C4BPB: variants seen among roughly 807,000 people sequenced by gnomAD.
C4BPB encodes the protein C4b-binding protein beta chain.
Under a neutral mutation model 26.6 loss-of-function variants are expected in C4BPB, and 19 were observed. That is an observed-to-expected ratio of 0.71 (90% CI 0.50 to 1.05). The LOEUF is 1.05. Among genes scored for constraint, C4BPB ranks in the 50% least tolerant of loss-of-function variants. C4BPB has a pLI of 0.00. For synonymous variants in C4BPB, 118 were observed against 103.5 expected (o/e 1.14, Z -0.85); for missense variants, 282 against 302.9 (o/e 0.93, Z 0.51).
chr1:207,092,762 G>C (rs906091194), intron 4 of C4BPB, among the ~76,000 whole-genome samples: 6 of 151,550 alleles, frequency 4.0e-5, no homozygotes, highest in African/African-American at 1.5e-4. Context: ...CGAGTAGCTG[G>C]GTTACAGGTG....
chr1:207,096,372 C>T (rs1431655388), intron 4 of C4BPB, 150 bp from the exon 5 acceptor site: 1 of 646,914 alleles, frequency 1.5e-6, no homozygotes, highest in Middle Eastern at 3.8e-4. Context: ...GTTTCCAGAT[C>T]CCGCAGGTGT....
intron 4 of C4BPB, among the ~76,000 whole-genome samples, chr1:207,092,529 C>A (rs1684070210): frequency 6.6e-6 from 1 of 151,736 alleles, no homozygotes; most frequent in Non-Finnish European, 1.5e-5. Context: ...TATTATATGG[C>A]TCCCATATTA....
chr1:207,093,117 T>A (rs1684103576), intron 4 of C4BPB, among the ~76,000 whole-genome samples: 1 of 152,148 alleles, frequency 6.6e-6, no homozygotes, highest in African/African-American at 2.4e-5. Flanking sequence ...GAATTTGAAA[T>A]GTAAAAATAA....
rs1176865846 is a variant in C4BPB at position 207,089,548 on chromosome 1, C to T, written c.17C>T (p.Ala6Val). The change falls in exon 2 of 7, where the codon GCG (alanine) becomes GTG (valine). Residue 6 changes from alanine (A) to valine (V), a missense_variant. Ala to Val is a moderately conservative substitution (Grantham distance 64). Coordinates refer to ENST00000367078, the MANE Select transcript of C4BPB (RefSeq NM_001017365.3). ...GATCACCAGATGTTTTTTTGGTGTG[C>T]GTGCTGTCTTATGGTTGCGTGGCGA... MFFWC[A>V]CCLMVAWRVS... is the part of the protein sequence containing the mutation. 3 of 1,613,908 alleles carry T rather than the reference C, an allele frequency of 1.9e-6. No homozygotes were observed. Among genetic ancestry groups the T allele is most frequent in the East Asian group, 2.2e-5 (1 of 44,874 alleles).
At position 207,095,358 on chromosome 1, in the gene C4BPB, T is replaced by C. The variant is rs955619221; in HGVS notation, c.410-1164T>C. On this transcript the variant is annotated intron_variant, in intron 4 of 6. Coordinates refer to ENST00000367078, the MANE Select transcript of C4BPB (RefSeq NM_001017365.3). ...TATTTCTTTTTCTTTTGAGACAGAG[T>C]CTTGCTCTGTTTCCCAGGCTGGAGT... The C allele has an allele frequency of 1.3e-5, 6 of 456,506 alleles. No individual in the cohort carries two copies. In the Admixed American group the frequency reaches 1.4e-4, roughly 11 times the overall value. 28.3% of individuals were successfully genotyped at this position (456,506 alleles called of 1,614,324 possible). A position where few individuals can be genotyped will look rare whatever the true frequency, so the allele number is the denominator to read the frequency against.
chr1:207,099,754 T>C (rs751410126), intron 6 of C4BPB, 35 bp from the exon 7 acceptor site: 3 of 1,597,800 alleles, frequency 1.9e-6, no homozygotes, highest in Non-Finnish European at 2.6e-6. Flanking sequence ...TCTCAGTCCT[T>C]ATGTTGTAAC....
At chr1:207,093,580 C>G (rs956753040) in intron 4 of C4BPB, among the ~76,000 whole-genome samples, 3 of 152,074 alleles carry the variant, frequency 2.0e-5, no homozygotes, top group Non-Finnish European at 2.9e-5. Flanking sequence ...AGTTAGGGCT[C>G]TAGCTCACAC....
At chr1:207,095,234 A>G (rs1047398810) in intron 4 of C4BPB, 1 of 454,684 alleles carries the variant, frequency 2.2e-6, no homozygotes, top group African/African-American at 2.0e-5. Flanking sequence ...TAGCTAGTGG[A>G]AGAGCCAGTA....
At chr1:207,094,727 TC>T (rs1684174825) in intron 4 of C4BPB, among the ~76,000 whole-genome samples, 1 of 152,174 alleles carries the variant, frequency 6.6e-6, no homozygotes, top group Non-Finnish European at 1.5e-5. Flanking sequence ...TGGACTGGAA[TC>T]CCCCAAACAA....
intron 4 of C4BPB, among the ~76,000 whole-genome samples, chr1:207,093,430 C>T (rs1198885853): frequency 6.6e-6 from 1 of 152,014 alleles, no homozygotes; most frequent in Non-Finnish European, 1.5e-5. Context: ...ACTATGAGCA[C>T]AATATGGCAA....
At chr1:207,098,025 G>C in intron 5 of C4BPB, 125 bp from the exon 6 acceptor site, 1 of 732,470 alleles carries the variant, frequency 1.4e-6, no homozygotes, top group Non-Finnish European at 2.4e-6. Flanking sequence ...CATGCATTGA[G>C]GCTCAAGGGC....
chr1:207,095,617 C>T (rs1684218654), intron 4 of C4BPB: 1 of 347,298 alleles, frequency 2.9e-6, no homozygotes, highest in African/African-American at 2.2e-5. Flanking sequence ...GTGTGAGCCA[C>T]TGCTCCCACC....
intron 6 of C4BPB, among the ~76,000 whole-genome samples, chr1:207,099,012 C>A (rs1684364756): frequency 6.6e-6 from 1 of 151,670 alleles, no homozygotes; most frequent in Non-Finnish European, 1.5e-5. Flanking sequence ...ATTAGATTCT[C>A]ATCTGGGAGT....
chr1:207,091,402 C>T (rs1684019147), intron 3 of C4BPB, among the ~76,000 whole-genome samples: 2 of 152,208 alleles, frequency 1.3e-5, no homozygotes, highest in Non-Finnish European at 2.9e-5. Context: ...TGATTAATTA[C>T]TTTCAGTTGC....
intron 5 of C4BPB, among the ~76,000 whole-genome samples, chr1:207,096,962 A>C (rs1684276603): frequency 6.6e-6 from 1 of 152,208 alleles, no homozygotes; most frequent in South Asian, 2.1e-4. Flanking sequence ...GCTTGAGGCC[A>C]GGAGATCAAG....
intron 4 of C4BPB, chr1:207,095,904 CT>C: frequency 5.6e-6 from 1 of 178,000 alleles, no homozygotes; most frequent in Admixed American, 5.4e-5. Context: ...CTCCCTCCCC[CT>C]TTGCCTTCTG....
intron 3 of C4BPB, among the ~76,000 whole-genome samples, chr1:207,091,364 A>T (rs1213158417): frequency 6.6e-6 from 1 of 152,206 alleles, no homozygotes; most frequent in Admixed American, 6.5e-5. Flanking sequence ...CAGTACAATA[A>T]ACATACGATT....
chr1:207,090,533 C>T (rs1226966754), intron 3 of C4BPB, 52 bp downstream of exon 3: 1 of 1,467,884 alleles, frequency 6.8e-7, no homozygotes, highest in African/African-American at 1.4e-5. Flanking sequence ...TGTTTTACTC[C>T]TTCACATCCT....
At chr1:207,097,035 T>C (rs982358240) in intron 5 of C4BPB, among the ~76,000 whole-genome samples, 1 of 152,018 alleles carries the variant, frequency 6.6e-6, no homozygotes, top group Non-Finnish European at 1.5e-5. Flanking sequence ...TAGCTGGGCG[T>C]GGTGGCACAC....
Sources: allele counts gnomAD v4.1 joint callset (sites outside exome capture counted in the v4.1 genomes callset), GRCh38; gene constraint gnomAD v4.1.1; transcripts MANE v1.5; gene names NCBI Gene and HGNC (gene_info 2026-07-23, HGNC 2026-07-21).